The following TIPIN variants were observed in gnomAD, a reference collection of about 807,000 sequenced individuals.
TIPIN encodes TIMELESS-interacting protein.
TIPIN carries 29 observed loss-of-function variants against 35.6 expected under a neutral mutation model. That is an observed-to-expected ratio of 0.82 (90% confidence interval 0.61 to 1.11). The LOEUF is 1.11. Among genes scored for constraint, TIPIN ranks in the 50% most tolerant of loss-of-function variants. The pLI, the probability that TIPIN is intolerant of heterozygous loss-of-function variation, is 0.00. For synonymous variants in TIPIN, 102 were observed against 121.5 expected (o/e 0.84, Z 1.06); for missense variants, 296 against 345.4 (o/e 0.86, Z 1.13).
chr15:66,343,062 C>T (rs1028547350), intron 6 of TIPIN, among the ~76,000 whole-genome samples: 7 of 152,090 alleles, frequency 4.6e-5, no homozygotes, highest in South Asian at 2.1e-4. Flanking sequence ...AGAATGGGGC[C>T]CCCACTGACT....
Position 66,380,227 on chromosome 15 carries a change from A to C in TIPIN, c.-9+6380T>G, listed in dbSNP as rs577210669. ...CACCGTGTTAGCCAGGATGGTTTCGATCTCCTGACCTCGTGATCCACCCCA... is the reference window on the plus strand; with the variant it reads ...CACCGTGTTAGCCAGGATGGTTTCGCTCTCCTGACCTCGTGATCCACCCCA... On this transcript the variant is annotated intron_variant, in intron 1 of 7. Coordinates refer to the TIPIN transcript ENST00000562124. Among the ~76,000 whole-genome samples the C allele has an allele frequency of 1.5e-4, 22 of 150,084 alleles. No individual in the cohort carries two copies. In the East Asian group the frequency reaches 4.2e-3, roughly 29 times the overall value.
In TIPIN at chr15:66,352,845, G is replaced by A. The variant is rs375749313; in HGVS notation, c.103C>T (p.Gln35Ter). Residue 35 changes from glutamine to a stop codon, truncating the protein, a stop_gained, in exon 2 of 8, where the codon CAA becomes TAA. Coordinates refer to ENST00000261881, the MANE Select transcript of TIPIN (RefSeq NM_017858.3). LOFTEE classifies it high-confidence loss of function. ...TCAGGCTCAGTTCCTTCACCATCTT[G>A]TCTCTCTGGAGAGGCTGGAGGTGGG... Reference protein sequence around the residue: ...PFPPPASPERQDGEGTEPDEE... With the variant: ...PFPPPASPER 6.2e-7 allele frequency: 1 copy of A among 1,612,990 alleles called. No individual in the cohort carries two copies. Among genetic ancestry groups the A allele is most frequent in the Non-Finnish European group, 8.5e-7 (1 of 1,179,842 alleles).
At chr15:66,356,007 A>C (rs763031496) in intron 1 of TIPIN, among the ~76,000 whole-genome samples, 5 of 152,180 alleles carry the variant, frequency 3.3e-5, no homozygotes, top group African/African-American at 7.2e-5. Context: ...CAATGGTCGC[A>C]TAACTGTCTC....
At chr15:66,356,543 G>T in intron 1 of TIPIN, 96 bp downstream of exon 1, 1 of 926,684 alleles carries the variant, frequency 1.1e-6, no homozygotes, top group Non-Finnish European at 1.3e-6. Flanking sequence ...TTTCCCGCTA[G>T]TCTGTCTGGC....
intron 1 of TIPIN, among the ~76,000 whole-genome samples, chr15:66,368,322 C>T (rs573603371): frequency 3.3e-5 from 5 of 149,852 alleles, no homozygotes; most frequent in South Asian, 2.1e-4. Context: ...GAGTTTGAGA[C>T]GAGCCTAGGC....
chr15:66,365,499 A>G (rs976480676), intron 1 of TIPIN, among the ~76,000 whole-genome samples: 1 of 152,196 alleles, frequency 6.6e-6, no homozygotes, highest in Non-Finnish European at 1.5e-5. Flanking sequence ...ATAAATAACC[A>G]TAAATATACT....
At chr15:66,343,512 C>T (rs764423593) in intron 6 of TIPIN, among the ~76,000 whole-genome samples, 13 of 152,218 alleles carry the variant, frequency 8.5e-5, no homozygotes, top group Non-Finnish European at 1.6e-4. Flanking sequence ...AATCATGATA[C>T]TTAATTCAGC....
chr15:66,371,358 C>A, intron 1 of TIPIN: 1 of 984,648 alleles, frequency 1.0e-6, no homozygotes, highest in Non-Finnish European at 1.2e-6. Flanking sequence ...TCTCAGAAGA[C>A]GTAAGTGTTT....
In TIPIN at chr15:66,349,079, T is replaced by C. The variant is rs11856320; in HGVS notation, c.456A>G (p.Glu152=). 107,726 of 1,606,580 alleles carry C rather than the reference T, an allele frequency of 0.067. 4,152 individuals carry two copies. The highest frequency in any genetic ancestry group is 0.1 in the Middle Eastern group (468 of 4,638). The change falls in exon 6 of 8, where the codon GAA becomes GAG. Residue 152 remains glutamate (E), a synonymous_variant. Coordinates refer to ENST00000261881, the MANE Select transcript of TIPIN (RefSeq NM_017858.3). ...RIRLDLPILH[E]DFVSNNDEVA... Reference sequence around the variant, plus strand: ...TCTTACCATTATTGCTAACAAAATCTTCATGTAAAATAGGGAGATCAAGTC... The same window carrying C: ...TCTTACCATTATTGCTAACAAAATCCTCATGTAAAATAGGGAGATCAAGTC...
chr15:66,355,329 G>A (rs188601682), intron 1 of TIPIN, among the ~76,000 whole-genome samples: 266 of 151,190 alleles, frequency 1.8e-3, no homozygotes, highest in African/African-American at 5.9e-3. Context: ...CATCGCGCCC[G>A]GCCCCAGGTG....
At chr15:66,374,664 C>T (rs2140494214) in intron 1 of TIPIN, among the ~76,000 whole-genome samples, 1 of 152,280 alleles carries the variant, frequency 6.6e-6, no homozygotes, top group African/African-American at 2.4e-5. Flanking sequence ...ACCGCAACCT[C>T]TACCTCCCAG....
chr15:66,351,590 C>A lies in TIPIN; in HGVS notation c.223G>T (p.Glu75Ter). Residue 75 changes from glutamate to a stop codon, truncating the protein, a stop_gained, in exon 4 of 8, where the codon GAG becomes TAG. Transcript: ENST00000261881. LOFTEE classifies it high-confidence loss of function. ...TGCCTTAAGGCTGGAAGTCCTCTCT[C>A]TGAAATTAATCTGTGAATAAAAGTA... is the stretch of plus-strand genomic sequence containing the variant. ...PKLDAQRLIS[E>*]RGLPALRHVF... The A allele has an allele frequency of 6.2e-7, 1 of 1,609,472 alleles. No homozygotes were observed. Among genetic ancestry groups the A allele is most frequent in the Non-Finnish European group, 8.5e-7 (1 of 1,177,736 alleles).
At position 66,386,707 on chromosome 15, in the gene TIPIN, G is replaced by A. The variant is rs1481193360; in HGVS notation, c.-109C>T. On this transcript the variant is annotated 5_prime_UTR_variant, in exon 1 of 8. Coordinates refer to the TIPIN transcript ENST00000562124. ...TCCACCTGCTTGCCTCGGGGCGACA[G>A]AGGGCGCCACGGCGTCCGCGACGGA... 3 of 185,638 alleles carry A rather than the reference G, an allele frequency of 1.6e-5. No individual in the cohort carries two copies. The South Asian group carries it at 5.8e-4, about 36-fold the overall frequency. The allele number at this position is 185,638 out of a possible 1,614,324, so 11.5% of individuals were successfully genotyped here. A position where few individuals can be genotyped will look rare whatever the true frequency, so the allele number is the denominator to read the frequency against.
At chr15:66,367,926 C>T (rs191672669) in intron 1 of TIPIN, among the ~76,000 whole-genome samples, 12 of 149,656 alleles carry the variant, frequency 8.0e-5, no homozygotes, top group Admixed American at 4.0e-4. Flanking sequence ...CTCTGTCTCC[C>T]GGGTTCAAGC....
In TIPIN at chr15:66,353,640, A is replaced by G. The variant is rs528963802; in HGVS notation, c.-8-685T>C. Among the ~76,000 whole-genome samples, 12 of 151,766 alleles carry G rather than the reference A, an allele frequency of 7.9e-5. No homozygotes were observed. In the South Asian group the frequency reaches 2.3e-3, roughly 29 times the overall value. Reference sequence around the variant, plus strand: ...CAAAAAAAAAAAAAAAAATCTGTTTATATACACCTACTACGTGCCCACAAA... The same window carrying G: ...CAAAAAAAAAAAAAAAAATCTGTTTGTATACACCTACTACGTGCCCACAAA... On this transcript the variant is annotated intron_variant, in intron 1 of 7. Transcript: ENST00000261881.
chr15:66,376,485 A>G (rs1215505536), intron 1 of TIPIN, among the ~76,000 whole-genome samples: 4 of 151,340 alleles, frequency 2.6e-5, no homozygotes, highest in African/African-American at 9.7e-5. Flanking sequence ...CTGGAGTGCC[A>G]TGATGTGGTC....
intron 4 of TIPIN, among the ~76,000 whole-genome samples, 169 bp from the exon 5 acceptor site, chr15:66,349,606 CAG>C (rs1046880983): frequency 8.5e-5 from 13 of 152,260 alleles, no homozygotes; most frequent in Admixed American, 2.0e-4. Flanking sequence ...TGGCCAGACA[CAG>C]TGGTTCACAC....
chr15:66,371,742 C>G (rs1480836005), intron 1 of TIPIN, among the ~76,000 whole-genome samples: 3 of 151,966 alleles, frequency 2.0e-5, no homozygotes, highest in Non-Finnish European at 4.4e-5. Flanking sequence ...TGGTCTCGAT[C>G]TCCTGACTTC....
At chr15:66,340,040 A>G (rs1257328896) in intron 7 of TIPIN, among the ~76,000 whole-genome samples, 1 of 150,342 alleles carries the variant, frequency 6.7e-6, no homozygotes, top group Non-Finnish European at 1.5e-5. Context: ...TGCCCGGCAA[A>G]TTTTTGTATT....
Sources: gnomAD v4.1 joint callset for allele counts (sites outside exome capture counted in the v4.1 genomes callset) on GRCh38, gnomAD v4.1.1 for gene constraint, MANE v1.5 for transcripts, NCBI Gene and HGNC (gene_info 2026-07-23, HGNC 2026-07-21) for gene names.